ZPBP: variants seen among roughly 807,000 people sequenced by gnomAD.
ZPBP encodes zona pellucida-binding protein 1.
In ZPBP, 26 loss-of-function variants were observed where a neutral mutation model predicts 44.8. That is an observed-to-expected ratio of 0.58 (90% CI 0.43 to 0.81). The LOEUF is 0.81. Among genes scored for constraint, ZPBP ranks in the 30% least tolerant of loss-of-function variants. The probability of loss-of-function intolerance (pLI) is 0.00; values close to 1 mark genes in which losing one functional copy is unlikely to be tolerated. For missense variants in ZPBP, 409 were observed against 434.0 expected (o/e 0.94, Z 0.51); for synonymous variants, 174 against 153.2 (o/e 1.14, Z -1.00).
At chr7:50,007,290 T>C (rs1386458591) in intron 6 of ZPBP, among the ~76,000 whole-genome samples, 1 of 151,804 alleles carries the variant, frequency 6.6e-6, no homozygotes, top group Non-Finnish European at 1.5e-5. Flanking sequence ...ATAACCTAGA[T>C]AAAATGGACA....
chr7:49,886,315 G>A (rs1010635871), intron 2 of ZPBP, among the ~76,000 whole-genome samples: 3 of 151,356 alleles, frequency 2.0e-5, no homozygotes, highest in East Asian at 1.9e-4. Context: ...ATTTGGAAGC[G>A]CAAAATTCAC....
intron 2 of ZPBP, among the ~76,000 whole-genome samples, chr7:50,082,493 G>A (rs576860719): frequency 5.3e-5 from 8 of 151,792 alleles, no homozygotes; most frequent in South Asian, 4.2e-4. Context: ...AAAGGAACCC[G>A]GTAAAGATTC....
At chr7:49,879,792 A>ATCCC (rs553575793) in intron 2 of ZPBP, among the ~76,000 whole-genome samples, 142 of 151,888 alleles carry the variant, frequency 9.3e-4, no homozygotes, top group Non-Finnish European at 1.9e-3. Flanking sequence ...TATTCTTATA[A>ATCCC]TTTTAGGTGT....
At chr7:49,977,579 A>G (rs1796588833) in intron 7 of ZPBP, among the ~76,000 whole-genome samples, 1 of 152,210 alleles carries the variant, frequency 6.6e-6, no homozygotes, top group African/African-American at 2.4e-5. Flanking sequence ...GATCACAGAC[A>G]CAGATACCGT....
At chr7:50,051,487 C>T (rs1800694066) in intron 4 of ZPBP, among the ~76,000 whole-genome samples, 1 of 151,912 alleles carries the variant, frequency 6.6e-6, no homozygotes, top group African/African-American at 2.4e-5. Context: ...TGCACTGATA[C>T]GTTCATTGAA....
Position 49,937,634 on chromosome 7 carries a change from G to C in ZPBP, c.962-12C>G, listed in dbSNP as rs1323483616. On this transcript the variant is annotated splice_polypyrimidine_tract_variant and intron_variant, in intron 7 of 7. Transcript: ENST00000046087. ...AGGGCTGCAGATCACTGTGAAAAAA[G>C]AGTAAGTTAATAAGTAGTATTTTCC... is the stretch of plus-strand genomic sequence containing the variant. 6 of 1,603,364 alleles carry C rather than the reference G, an allele frequency of 3.7e-6. No homozygotes were observed. Among genetic ancestry groups the C allele is most frequent in the Non-Finnish European group, 5.1e-6 (6 of 1,170,520 alleles).
intron 5 of ZPBP, among the ~76,000 whole-genome samples, chr7:50,024,565 C>A (rs1584066634): frequency 6.6e-6 from 1 of 151,626 alleles, no homozygotes. Context: ...AAGTGAAATA[C>A]TATAGGCTCA....
rs748616760 is a variant in ZPBP, at chr7:50,093,104, AGAG to A, written c.88_90del (p.Leu30del). On this transcript the variant is annotated inframe_deletion, in exon 1 of 8. Coordinates refer to ENST00000046087, the MANE Select transcript of ZPBP (RefSeq NM_007009.3). ...ACCCGCACCAGGAAGGCGGAGATAA[AGAG>A]GAGGATGGCGGCCCGAGAGAGCAGG... is the stretch of plus-strand genomic sequence containing the variant. 3.8e-6 allele frequency: 6 copies of A among 1,597,252 alleles called. No individual in the cohort carries two copies. Among genetic ancestry groups the A allele is most frequent in the East Asian group, 4.5e-5 (2 of 44,210 alleles).
chr7:49,930,490 A>G (rs142652415), intron 1 of ZPBP, among the ~76,000 whole-genome samples: 27 of 152,334 alleles, frequency 1.8e-4, no homozygotes, highest in African/African-American at 6.5e-4. Flanking sequence ...ACATTATTAC[A>G]TGAGGAAAGT....
chr7:49,969,860 GAGAGAC>G (rs1796226719), intron 7 of ZPBP, among the ~76,000 whole-genome samples: 3 of 150,702 alleles, frequency 2.0e-5, no homozygotes, highest in South Asian at 4.2e-4. Context: ...GAAAGAGAGA[GAGAGAC>G]AGAGACAGAG....
At chr7:49,868,328 G>A (rs1397030387) in intron 2 of ZPBP, among the ~76,000 whole-genome samples, 1 of 152,106 alleles carries the variant, frequency 6.6e-6, no homozygotes, top group African/African-American at 2.4e-5. Flanking sequence ...CTTTAGCCAA[G>A]TCAATTTTGT....
chr7:49,853,867 C>A (rs1790301359), intron 2 of ZPBP, among the ~76,000 whole-genome samples: 1 of 122,196 alleles, frequency 8.2e-6, no homozygotes, highest in South Asian at 3.4e-4. Context: ...CTCCCCCCTC[C>A]CCCCACCCCA....
chr7:49,955,337 T>C (rs1468533035), intron 7 of ZPBP, among the ~76,000 whole-genome samples: 1 of 152,046 alleles, frequency 6.6e-6, no homozygotes, highest in Non-Finnish European at 1.5e-5. Context: ...AGTGGGCGGA[T>C]CACAAGGTCA....
intron 1 of ZPBP, chr7:49,918,143 G>T (rs1311753759): frequency 6.6e-6 from 1 of 152,170 alleles, no homozygotes. Context: ...TAACCTCACA[G>T]TTCTCCCAAA....
chr7:50,092,656 C>A lies in ZPBP; in HGVS notation c.127+412G>T, dbSNP rs548154909. On this transcript the variant is annotated intron_variant, in intron 1 of 7. Coordinates refer to ENST00000046087, the MANE Select transcript of ZPBP (RefSeq NM_007009.3). Reference sequence around the variant, plus strand: ...TCGCATTATTTCCTGTATTTCACAGCTAAAACCAATAGATGGCGCTCCACC... The same window carrying A: ...TCGCATTATTTCCTGTATTTCACAGATAAAACCAATAGATGGCGCTCCACC... Among the ~76,000 whole-genome samples the A allele has an allele frequency of 2.0e-5, 3 of 152,284 alleles. No homozygotes were observed. In the South Asian group the frequency reaches 6.2e-4, roughly 32 times the overall value.
chr7:49,911,385 G>A (rs971803393), intron 1 of ZPBP, among the ~76,000 whole-genome samples: 7 of 151,062 alleles, frequency 4.6e-5, no homozygotes, highest in African/African-American at 7.3e-5. Flanking sequence ...TGGAGGCTGC[G>A]GCAGGAGAAT....
At chr7:49,877,474 AAAAAAAAATATATATAT>A (rs1373694307) in intron 2 of ZPBP, among the ~76,000 whole-genome samples, 2 of 46,302 alleles carry the variant, frequency 4.3e-5, no homozygotes, top group Admixed American at 2.9e-4. Flanking sequence ...AAAAAAAAAA[AAAAAAAAATATATATAT>A]ATATATATAT....
intron 3 of ZPBP, among the ~76,000 whole-genome samples, chr7:50,063,852 C>T (rs2128835050): frequency 6.6e-6 from 1 of 152,228 alleles, no homozygotes; most frequent in South Asian, 2.1e-4. Flanking sequence ...ATCTAGTGCC[C>T]TTGATGTTTC....
At chr7:49,951,785 T>C (rs1420861077) in intron 7 of ZPBP, among the ~76,000 whole-genome samples, 1 of 151,584 alleles carries the variant, frequency 6.6e-6, no homozygotes, top group Non-Finnish European at 1.5e-5. Flanking sequence ...TTTTCATGAA[T>C]GTTCACAGCA....
Sources: gnomAD v4.1 joint callset for allele counts (sites outside exome capture counted in the v4.1 genomes callset) on GRCh38, gnomAD v4.1.1 for gene constraint, MANE v1.5 for transcripts, NCBI Gene and HGNC (gene_info 2026-07-23, HGNC 2026-07-21) for gene names.